Variants in DOCK3 observed in about 807,000 individuals in gnomAD.
The protein encoded by DOCK3 is dedicator of cytokinesis protein 3.
DOCK3 carries 60 observed loss-of-function variants against 265.6 expected under a neutral mutation model. The ratio of observed to expected loss-of-function variants is 0.23; its 90% CI spans 0.18 to 0.28. The LOEUF is 0.28. Ranked by LOEUF, DOCK3 falls within the 10% of genes least tolerant of loss-of-function variation. DOCK3 has a pLI of 1.00. For synonymous variants in DOCK3, 881 were observed against 938.0 expected (o/e 0.94, Z 1.11); for missense variants, 1,981 against 2,594.3 (o/e 0.76, Z 5.14).
intron 6 of DOCK3, among the ~76,000 whole-genome samples, chr3:51,066,078 C>T (rs1170346545): frequency 3.3e-5 from 5 of 152,070 alleles, no homozygotes; most frequent in African/African-American, 1.2e-4. Context: ...AAATAAAATA[C>T]TCAGAGAAGA....
At chr3:51,279,423 T>C (rs1016235754) in intron 26 of DOCK3, among the ~76,000 whole-genome samples, 5 of 152,226 alleles carry the variant, frequency 3.3e-5, no homozygotes, top group Non-Finnish European at 7.3e-5. Context: ...GACTGCCTCC[T>C]GCCAAAAGTT....
chr3:51,356,533 T>A, intron 43 of DOCK3, 40 bp downstream of exon 43: 1 of 1,589,924 alleles, frequency 6.3e-7, no homozygotes, highest in Non-Finnish European at 8.6e-7. Flanking sequence ...TCACAACTGC[T>A]CCATCAGCCC....
intron 9 of DOCK3, among the ~76,000 whole-genome samples, chr3:51,108,261 C>T (rs1358067012): frequency 6.6e-6 from 1 of 152,102 alleles, no homozygotes; most frequent in African/African-American, 2.4e-5. Flanking sequence ...AAGGAAATCT[C>T]AGCAAAGAAT....
intron 19 of DOCK3, 96 bp downstream of exon 19, chr3:51,229,705 T>C: frequency 1.1e-6 from 1 of 872,078 alleles, no homozygotes; most frequent in East Asian, 3.2e-5. Context: ...CGTCTGAGAC[T>C]GTTTCATCAG....
At position 51,246,674 on chromosome 3, in the gene DOCK3, C is replaced by T. The variant is rs945451554; in HGVS notation, c.2103-52C>T. On this transcript the variant is annotated intron_variant, in intron 21 of 52. Transcript: ENST00000266037. ...AATTCAGGGCTACAGATGTTTCAAG[C>T]TGCATTACTTTTGAATTAAAGTGGG... The T allele has an allele frequency of 5.9e-6, 9 of 1,535,616 alleles. No individual in the cohort carries two copies. The African/African-American group carries it at 1.1e-4, about 19-fold the overall frequency.
At chr3:51,089,421 A>G in intron 8 of DOCK3, 137 bp downstream of exon 8, 1 of 1,062,292 alleles carries the variant, frequency 9.4e-7, no homozygotes. Context: ...AGGAGCTTTG[A>G]CCTCTAAACA....
chr3:50,846,404 C>T (rs1280394255), intron 3 of DOCK3, among the ~76,000 whole-genome samples: 1 of 152,130 alleles, frequency 6.6e-6, no homozygotes, highest in East Asian at 1.9e-4. Context: ...CTGCTGGATT[C>T]AGGTTACTAG....
At chr3:50,904,860 G>T (rs1230462133) in intron 4 of DOCK3, among the ~76,000 whole-genome samples, 1 of 152,056 alleles carries the variant, frequency 6.6e-6, no homozygotes, top group Non-Finnish European at 1.5e-5. Flanking sequence ...AAATGGTATT[G>T]CCCAGGTTTT....
intron 5 of DOCK3, among the ~76,000 whole-genome samples, chr3:51,058,558 A>G (rs896953714): frequency 2.6e-5 from 4 of 152,218 alleles, no homozygotes; most frequent in African/African-American, 9.7e-5. Context: ...ATATATGTAC[A>G]TGTATATGCA....
chr3:50,850,495 AT>A (rs1458117693), intron 3 of DOCK3, among the ~76,000 whole-genome samples: 1 of 151,962 alleles, frequency 6.6e-6, no homozygotes, highest in Non-Finnish European at 1.5e-5. Context: ...CTGAGTCTCC[AT>A]TTTGGTTAGG....
At chr3:50,824,183 A>C (rs1207792408) in intron 2 of DOCK3, among the ~76,000 whole-genome samples, 3 of 152,190 alleles carry the variant, frequency 2.0e-5, no homozygotes, top group African/African-American at 7.2e-5. Flanking sequence ...TACTTTAATA[A>C]GTGAATAAAT....
At chr3:51,094,359 T>C (rs1483062361) in intron 9 of DOCK3, among the ~76,000 whole-genome samples, 1 of 152,176 alleles carries the variant, frequency 6.6e-6, no homozygotes, top group Non-Finnish European at 1.5e-5. Flanking sequence ...TTGTTGTTGG[T>C]CTGTTTAGGG....
intron 3 of DOCK3, among the ~76,000 whole-genome samples, chr3:50,880,096 A>G (rs1439027358): frequency 1.3e-5 from 2 of 152,258 alleles, no homozygotes; most frequent in Non-Finnish European, 2.9e-5. Flanking sequence ...GAACAAAGAC[A>G]CAACATACCA....
chr3:50,826,805 G>A (rs181139364), intron 2 of DOCK3, among the ~76,000 whole-genome samples: 4 of 152,262 alleles, frequency 2.6e-5, no homozygotes, highest in Non-Finnish European at 5.9e-5. Flanking sequence ...GGAAGAAAAA[G>A]TTGAGGGAAT....
At chr3:50,839,126 A>AT (rs2107224237) in intron 2 of DOCK3, among the ~76,000 whole-genome samples, 1 of 152,342 alleles carries the variant, frequency 6.6e-6, no homozygotes, top group South Asian at 2.1e-4. Flanking sequence ...CACAGTATGC[A>AT]TTTAAGATTC....
At chr3:51,029,047 T>A (rs543358093) in intron 5 of DOCK3, among the ~76,000 whole-genome samples, 20 of 152,330 alleles carry the variant, frequency 1.3e-4, no homozygotes, top group Admixed American at 7.2e-4. Context: ...TTTCTTTTTT[T>A]AAAAATTTAC....
intron 32 of DOCK3, among the ~76,000 whole-genome samples, chr3:51,321,219 A>G (rs1470696224): frequency 6.6e-6 from 1 of 152,226 alleles, no homozygotes. Context: ...ACTCCAGCAG[A>G]CCTGCAGCAG....
At chr3:50,999,208 A>G (rs2078387280) in intron 5 of DOCK3, among the ~76,000 whole-genome samples, 2 of 152,366 alleles carry the variant, frequency 1.3e-5, no homozygotes, top group South Asian at 4.1e-4. Context: ...CAACCTGTTA[A>G]GATATAAGTA....
chr3:51,042,100 G>T (rs575055284), intron 5 of DOCK3, among the ~76,000 whole-genome samples: 1 of 152,290 alleles, frequency 6.6e-6, no homozygotes, highest in East Asian at 1.9e-4. Context: ...GCATCATCCT[G>T]ATACGAAAAC....
Sources: gnomAD v4.1 joint callset for allele counts (sites outside exome capture counted in the v4.1 genomes callset) on GRCh38, gnomAD v4.1.1 for gene constraint, MANE v1.5 for transcripts, NCBI Gene and HGNC (gene_info 2026-07-23, HGNC 2026-07-21) for gene names.